SRGAP1: variants seen among roughly 807,000 people sequenced by gnomAD.
SRGAP1 encodes SLIT-ROBO Rho GTPase activating protein 1.
SRGAP1 carries 43 observed loss-of-function variants against 121.9 expected under a neutral mutation model. That is an observed-to-expected ratio of 0.35 (90% CI 0.28 to 0.46). SRGAP1 has a LOEUF of 0.46. Among genes scored for constraint, SRGAP1 ranks in the 20% least tolerant of loss-of-function variants. The pLI is 1.00. For missense variants in SRGAP1, 1,102 were observed against 1,350.9 expected (o/e 0.82, Z 2.89); for synonymous variants, 447 against 485.4 (o/e 0.92, Z 1.04).
intron 1 of SRGAP1, among the ~76,000 whole-genome samples, chr12:63,950,038 A>G (rs1160070336): frequency 6.6e-6 from 1 of 152,174 alleles, no homozygotes; most frequent in South Asian, 2.1e-4. Flanking sequence ...TGTGTTGAGC[A>G]TTTTAACTGG....
rs1173869980 is a variant in SRGAP1 at position 64,148,336 on chromosome 12, C to T, written c.*5664C>T. On this transcript the variant is annotated 3_prime_UTR_variant, in exon 22 of 22. Transcript: ENST00000355086. ...TCTCTGTGTCACCCAGGCTGTAGTGCAGTGGTGCAATCTCAGCTCACTGCA... is the reference window on the plus strand; with the variant it reads ...TCTCTGTGTCACCCAGGCTGTAGTGTAGTGGTGCAATCTCAGCTCACTGCA... 2 of 143,566 alleles carry T rather than the reference C, an allele frequency of 1.4e-5. No individual in the cohort carries two copies. Among genetic ancestry groups the T allele is most frequent in the Non-Finnish European group, 3.0e-5 (2 of 66,868 alleles). The allele number at this position is 143,566 out of a possible 1,614,324, so 8.9% of individuals were successfully genotyped here. A position where few individuals can be genotyped will look rare whatever the true frequency, so the allele number is the denominator to read the frequency against.
intron 1 of SRGAP1, among the ~76,000 whole-genome samples, chr12:63,847,224 G>A (rs1409418767): frequency 6.6e-6 from 1 of 152,074 alleles, no homozygotes. Flanking sequence ...TGGTCCCAGT[G>A]TGCCTGTGGT....
chr12:63,953,768 G>A (rs1478948236), intron 1 of SRGAP1, among the ~76,000 whole-genome samples: 1 of 151,932 alleles, frequency 6.6e-6, no homozygotes, highest in African/African-American at 2.4e-5. Context: ...ATTCCTTCCA[G>A]ACTTTCATCC....
intron 1 of SRGAP1, among the ~76,000 whole-genome samples, chr12:63,915,884 T>C (rs1389960497): frequency 6.6e-6 from 1 of 152,128 alleles, no homozygotes; most frequent in Non-Finnish European, 1.5e-5. Flanking sequence ...GAAACTTGGA[T>C]ATTAATGAAG....
intron 6 of SRGAP1, among the ~76,000 whole-genome samples, chr12:64,061,717 T>G (rs1307728737): frequency 6.6e-6 from 1 of 152,172 alleles, no homozygotes; most frequent in Non-Finnish European, 1.5e-5. Flanking sequence ...TTCTTAGCCC[T>G]CATTAACCAC....
In SRGAP1 at chr12:64,132,509, G is replaced by A. The variant is rs140840941; in HGVS notation, c.2880+4309G>A. Among the ~76,000 whole-genome samples, 90 of 152,342 alleles carry A rather than the reference G, an allele frequency of 5.9e-4. 1 individual carries two copies. The East Asian group carries it at 0.014, about 24-fold the overall frequency. On this transcript the variant is annotated intron_variant, in intron 21 of 21. Transcript: ENST00000355086. ...CAAAATCCAAATAGGCCCACTAGGC[G>A]TTGTGCCTCTTTCTTGTTTGCAGGA...
intron 1 of SRGAP1, among the ~76,000 whole-genome samples, chr12:63,898,517 T>C (rs1392380366): frequency 5.9e-5 from 9 of 152,220 alleles, no homozygotes; most frequent in Non-Finnish European, 8.8e-5. Flanking sequence ...TATGGGAACT[T>C]TCCTTAAATT....
intron 1 of SRGAP1, among the ~76,000 whole-genome samples, chr12:63,978,863 C>CT (rs146319720): frequency 3.2e-4 from 49 of 152,066 alleles, no homozygotes; most frequent in Non-Finnish European, 5.9e-4. Context: ...TCTTCCAACA[C>CT]TTTTTTTAAA....
chr12:63,867,933 G>A (rs1899693771), intron 1 of SRGAP1, among the ~76,000 whole-genome samples: 1 of 149,364 alleles, frequency 6.7e-6, no homozygotes, highest in African/African-American at 2.5e-5. Context: ...AAAAAGTATT[G>A]TGTTGTTAGA....
At chr12:63,933,923 T>C (rs972770472) in intron 1 of SRGAP1, among the ~76,000 whole-genome samples, 1 of 152,100 alleles carries the variant, frequency 6.6e-6, no homozygotes, top group Non-Finnish European at 1.5e-5. Flanking sequence ...ACAATGTTAA[T>C]AAAAAGGACA....
At chr12:64,109,828 C>T (rs2036403063) in intron 16 of SRGAP1, among the ~76,000 whole-genome samples, 1 of 152,170 alleles carries the variant, frequency 6.6e-6, no homozygotes, top group African/African-American at 2.4e-5. Flanking sequence ...TTCTCTATTT[C>T]ATGGGACATT....
chr12:64,126,654 T>A (rs1419383384), intron 19 of SRGAP1, among the ~76,000 whole-genome samples: 1 of 152,108 alleles, frequency 6.6e-6, no homozygotes, highest in African/African-American at 2.4e-5. Flanking sequence ...AAGAAACAGG[T>A]TGCAAAATAA....
chr12:63,931,376 G>C (rs1304819268), intron 1 of SRGAP1, among the ~76,000 whole-genome samples: 1 of 152,132 alleles, frequency 6.6e-6, no homozygotes, highest in African/African-American at 2.4e-5. Context: ...TTAATCAATT[G>C]AAATCATTTC....
At chr12:64,127,784 C>T in intron 20 of SRGAP1, 60 bp downstream of exon 20, 2 of 1,602,614 alleles carry the variant, frequency 1.2e-6, no homozygotes, top group South Asian at 1.1e-5. Context: ...CCATGAGGAG[C>T]CACTGCACCT....
chr12:64,110,172 C>T (rs368397323), intron 16 of SRGAP1, among the ~76,000 whole-genome samples: 11 of 152,282 alleles, frequency 7.2e-5, no homozygotes, highest in African/African-American at 2.6e-4. Context: ...CCTGTTGCCC[C>T]ACCATCACCA....
chr12:63,955,258 GC>G (rs1422520983), intron 1 of SRGAP1, among the ~76,000 whole-genome samples: 3 of 152,104 alleles, frequency 2.0e-5, no homozygotes, highest in Non-Finnish European at 2.9e-5. Context: ...GGCACAGGTT[GC>G]CGTGAGCCGG....
chr12:63,916,032 C>CTTTTTTTTTTT (rs140042368), intron 1 of SRGAP1, among the ~76,000 whole-genome samples: 72 of 125,116 alleles, frequency 5.8e-4, no homozygotes, highest in East Asian at 9.3e-4. Flanking sequence ...CTTTTCTTTT[C>CTTTTTTTTTTT]TTTTTTTTTT....
rs2037173554 is a variant in SRGAP1, at chr12:64,157,588, G to GA, written c.*14922dup. 1 of 151,778 alleles carries GA rather than the reference G, an allele frequency of 6.6e-6. No homozygotes were observed. Among genetic ancestry groups the GA allele is most frequent in the African/African-American group, 2.4e-5 (1 of 41,364 alleles). The allele number at this position is 151,778 out of a possible 1,614,324, so 9.4% of individuals were successfully genotyped here. A position where few individuals can be genotyped will look rare whatever the true frequency, so the allele number is the denominator to read the frequency against. On this transcript the variant is annotated 3_prime_UTR_variant, in exon 22 of 22. Coordinates refer to ENST00000355086, the MANE Select transcript of SRGAP1 (RefSeq NM_020762.4). ...ATGAGTCTACAAAATCAACATTAAG[G>GA]AAAAAATGATCAGGATTCAATAAAT...
rs2037051824 is a variant in SRGAP1, at chr12:64,146,362, T to C, written c.*3690T>C. On this transcript the variant is annotated 3_prime_UTR_variant, in exon 22 of 22. Coordinates refer to ENST00000355086, the MANE Select transcript of SRGAP1 (RefSeq NM_020762.4). ...TATCCGTTAAGGGTTTTCTAACTTT[T>C]GCTATCCCCCCCGCGACCAAAAAAA... is the stretch of plus-strand genomic sequence containing the variant. The C allele has an allele frequency of 6.6e-6, 1 of 152,140 alleles. No homozygotes were observed. Among genetic ancestry groups the C allele is most frequent in the Admixed American group, 6.5e-5 (1 of 15,274 alleles). The allele number at this position is 152,140 out of a possible 1,614,324, so 9.4% of individuals were successfully genotyped here.
Sources: gnomAD v4.1 joint callset for allele counts (sites outside exome capture counted in the v4.1 genomes callset) on GRCh38, gnomAD v4.1.1 for gene constraint, MANE v1.5 for transcripts, NCBI Gene and HGNC (gene_info 2026-07-23, HGNC 2026-07-21) for gene names.